Variants in DCAF10 observed in about 807,000 individuals in gnomAD.
DCAF10 encodes the protein DDB1 and CUL4 associated factor 10.
DCAF10 carries 19 observed loss-of-function variants against 51.9 expected under a neutral mutation model. That is an observed-to-expected ratio of 0.37 (90% confidence interval 0.26 to 0.54). DCAF10 has a LOEUF of 0.54. DCAF10 is among the 20% of genes least tolerant of loss of function. The pLI is 0.87. For missense variants in DCAF10, 510 were observed against 730.6 expected, an observed-to-expected ratio of 0.70 and a Z score of 3.48; for synonymous variants, 291 against 297.1, an observed-to-expected ratio of 0.98 and a Z score of 0.21.
intron 3 of DCAF10, among the ~76,000 whole-genome samples, chr9:37,844,613 T>C (rs946728531): frequency 6.6e-6 from 1 of 152,182 alleles, no homozygotes; most frequent in Non-Finnish European, 1.5e-5. Flanking sequence ...GTTGTGCCAC[T>C]GTACTCCAGC....
intron 2 of DCAF10, among the ~76,000 whole-genome samples, chr9:37,827,210 G>A (rs1325742774): frequency 1.3e-5 from 2 of 152,148 alleles, no homozygotes; most frequent in African/African-American, 2.4e-5. Context: ...ATGGGTAGGG[G>A]AGGAAATGAA....
rs1831107821 is a variant in DCAF10, at chr9:37,865,000, C to G, written c.*3492C>G. The G allele has an allele frequency of 6.6e-6, 1 of 152,010 alleles. No individual in the cohort carries two copies. The highest frequency in any genetic ancestry group is 6.6e-5 in the Admixed American group (1 of 15,232). 9.4% of individuals were successfully genotyped at this position (152,010 alleles called of 1,614,324 possible). On this transcript the variant is annotated 3_prime_UTR_variant, in exon 7 of 7. Transcript: ENST00000377724. ...GTTTGTGTCTTGTCCAAAGCCTGTG[C>G]TTACTGCTTTACCATTGTGCTCTTT...
intron 2 of DCAF10, among the ~76,000 whole-genome samples, chr9:37,826,487 C>T (rs542998415): frequency 2.6e-5 from 4 of 152,258 alleles, no homozygotes; most frequent in Admixed American, 2.0e-4. Flanking sequence ...TGCTATGACC[C>T]AGCAGTTATG....
In DCAF10 at chr9:37,801,557, C is replaced by A; in HGVS notation, c.539+152C>A. On this transcript the variant is annotated intron_variant, in intron 1 of 6. Coordinates refer to ENST00000377724, the MANE Select transcript of DCAF10 (RefSeq NM_024345.5). The surrounding 1 kb of genome is among the most constrained non-coding windows in gnomAD (Gnocchi z 5.5). ...TCGTGCCTCCTGGCACTTTCTGAAGCGCATTCTCGCCCTTGGAATCCCCAG... is the reference window on the plus strand; with the variant it reads ...TCGTGCCTCCTGGCACTTTCTGAAGAGCATTCTCGCCCTTGGAATCCCCAG... 2.0e-6 allele frequency: 2 copies of A among 981,584 alleles called. No homozygotes were observed. Among genetic ancestry groups the A allele is most frequent in the Non-Finnish European group, 1.4e-6 (1 of 735,094 alleles). 60.8% of individuals were successfully genotyped at this position (981,584 alleles called of 1,614,324 possible).
In DCAF10 at chr9:37,800,922, C is replaced by A; in HGVS notation, c.56C>A (p.Ala19Asp). 1 of 1,496,436 alleles carries A rather than the reference C, an allele frequency of 6.7e-7. No individual in the cohort carries two copies. The highest frequency in any genetic ancestry group is 8.8e-7 in the Non-Finnish European group (1 of 1,130,466). The allele number at this position is 1,496,436 out of a possible 1,614,324, so 92.7% of individuals were successfully genotyped here. A position where few individuals can be genotyped will look rare whatever the true frequency, so the allele number is the denominator to read the frequency against. ...GGGGACGGATCGGCCGGAGCCGGGG[C>A]TGAGGAGCCGACGCCCCACGAGGGG... is the stretch of plus-strand genomic sequence containing the variant. ...PGGDGSAGAG[A>D]EEPTPHEGQA... The change falls in exon 1 of 7, where the codon GCT (alanine) becomes GAT (aspartate). Residue 19 changes from alanine to aspartate, a missense_variant. Around this residue, in one of 4 missense-constraint regions of DCAF10, gnomAD observed 251 missense variants for 227.9 expected, o/e 1.10. Transcript: ENST00000377724.
At chr9:37,817,378 G>T (rs543826055) in intron 1 of DCAF10, among the ~76,000 whole-genome samples, 126 of 152,272 alleles carry the variant, frequency 8.3e-4, no homozygotes, top group African/African-American at 2.7e-3. Flanking sequence ...GCTGAGGCAG[G>T]AGGATCACTT....
At chr9:37,819,184 A>C in intron 1 of DCAF10, 104 bp from the exon 2 acceptor site, 2 of 874,554 alleles carry the variant, frequency 2.3e-6, no homozygotes, top group African/African-American at 1.7e-5. Flanking sequence ...TGGGCAAAAA[A>C]AAAAAGTTAT....
chr9:37,810,152 T>TA (rs747571357), intron 1 of DCAF10, among the ~76,000 whole-genome samples: 2,770 of 141,162 alleles, frequency 0.02, 54 homozygotes, highest in Admixed American at 0.055. Flanking sequence ...AACTCCATCT[T>TA]AAAAAAAAAA....
intron 4 of DCAF10, among the ~76,000 whole-genome samples, chr9:37,856,069 T>C (rs1015841282): frequency 6.6e-6 from 1 of 152,126 alleles, no homozygotes; most frequent in Non-Finnish European, 1.5e-5. Context: ...GAGGATCACC[T>C]GAGCCTGGCA....
intron 1 of DCAF10, among the ~76,000 whole-genome samples, chr9:37,807,455 G>A (rs755843396): frequency 1.3e-5 from 2 of 152,032 alleles, no homozygotes; most frequent in African/African-American, 4.8e-5. Context: ...AAGGGCATCT[G>A]TGTCAAATAA....
chr9:37,808,574 T>C (rs1321948646), intron 1 of DCAF10, among the ~76,000 whole-genome samples: 3 of 107,226 alleles, frequency 2.8e-5, no homozygotes, highest in African/African-American at 1.1e-4. Context: ...ATACATAATA[T>C]ATAATATAAA....
Position 37,801,414 on chromosome 9 carries a change from G to T in DCAF10, c.539+9G>T, listed in dbSNP as rs764701106. On this transcript the variant is annotated intron_variant, in intron 1 of 6. Transcript: ENST00000377724. The surrounding 1 kb of genome is among the most constrained non-coding windows in gnomAD (Gnocchi z 5.5). ...GAGTACTCGCCCGACGGGTAAGCGC[G>T]GCCCCTCGGAGGGCGGGCGCCCGCC... 1 of 1,458,016 alleles carries T rather than the reference G, an allele frequency of 6.9e-7. No individual in the cohort carries two copies. Among genetic ancestry groups the T allele is most frequent in the Non-Finnish European group, 9.1e-7 (1 of 1,102,232 alleles). The allele number at this position is 1,458,016 out of a possible 1,614,324, so 90.3% of individuals were successfully genotyped here.
chr9:37,831,195 C>T (rs947463352), intron 2 of DCAF10, among the ~76,000 whole-genome samples: 2 of 151,888 alleles, frequency 1.3e-5, no homozygotes, highest in Admixed American at 6.6e-5. Flanking sequence ...CCAGCCTGGG[C>T]GATAGAGCGA....
At chr9:37,807,317 A>G (rs1385925977) in intron 1 of DCAF10, among the ~76,000 whole-genome samples, 3 of 152,156 alleles carry the variant, frequency 2.0e-5, no homozygotes, top group African/African-American at 7.2e-5. Flanking sequence ...TTGTCTCTAC[A>G]AAAAATTTTA....
At chr9:37,855,043 ATAGGTTTC>A in intron 4 of DCAF10, 61 bp downstream of exon 4, 5 of 1,446,434 alleles carry the variant, frequency 3.5e-6, no homozygotes, top group Non-Finnish European at 4.7e-6. Context: ...TAGAGATGGT[ATAGGTTTC>A]TTTTCTGAAA....
At chr9:37,833,382 C>A (rs1027382737) in intron 2 of DCAF10, among the ~76,000 whole-genome samples, 1 of 152,090 alleles carries the variant, frequency 6.6e-6, no homozygotes, top group Non-Finnish European at 1.5e-5. Context: ...AGATAAACAT[C>A]ATAAAGTCAA....
upstream of DCAF10, chr9:37,800,688 G>T: frequency 6.5e-7 from 1 of 1,535,976 alleles, no homozygotes; most frequent in Non-Finnish European, 8.7e-7. Flanking sequence ...GGACTGCGGC[G>T]CCCCAAACCC....
At chr9:37,850,360 C>T (rs918085212) in intron 3 of DCAF10, among the ~76,000 whole-genome samples, 2 of 152,054 alleles carry the variant, frequency 1.3e-5, no homozygotes, top group Non-Finnish European at 2.9e-5. Flanking sequence ...TTCACAGTAG[C>T]CACGATATGG....
intron 2 of DCAF10, among the ~76,000 whole-genome samples, chr9:37,841,083 C>T (rs935849230): frequency 1.3e-5 from 2 of 152,120 alleles, no homozygotes; most frequent in South Asian, 2.1e-4. Context: ...GGACACATTT[C>T]TCAGAATGTA....
Sources: gnomAD v4.1 joint callset for allele counts (sites outside exome capture counted in the v4.1 genomes callset) on GRCh38, gnomAD v4.1.1 for gene constraint, gnomAD v4.1.1 regional missense constraint, Gnocchi (gnomAD v3.1) non-coding constraint, MANE v1.5 for transcripts, NCBI Gene and HGNC (gene_info 2026-07-23, HGNC 2026-07-21) for gene names.